Variants in GREM2 observed in about 807,000 individuals in gnomAD.
The protein encoded by GREM2 is gremlin 2, DAN family BMP antagonist.
Under a neutral mutation model 14.2 loss-of-function variants are expected in GREM2, and 11 were observed. The observed-to-expected ratio is 0.78, with a 90% CI of 0.49 to 1.28. The LOEUF is 1.28. Ranked by LOEUF, GREM2 falls within the 50% of genes most tolerant of loss-of-function variation. The probability of loss-of-function intolerance (pLI) is 0.00; values close to 1 mark genes in which losing one functional copy is unlikely to be tolerated. For missense variants in GREM2, 210 were observed against 218.5 expected, an observed-to-expected ratio of 0.96 and a Z score of 0.24; for synonymous variants, 98 against 97.6, an observed-to-expected ratio of 1.00 and a Z score of -0.02.
intron 1 of GREM2, among the ~76,000 whole-genome samples, chr1:240,591,828 C>T (rs1450593524): frequency 6.6e-6 from 1 of 152,084 alleles, no homozygotes; most frequent in Non-Finnish European, 1.5e-5. Flanking sequence ...CCTTCCCTGG[C>T]AATCTGGTTT....
chr1:240,575,423 G>C (rs1315907701), intron 1 of GREM2, among the ~76,000 whole-genome samples: 2 of 152,080 alleles, frequency 1.3e-5, no homozygotes, highest in Non-Finnish European at 2.9e-5. Flanking sequence ...CACTATGTAA[G>C]GGTAACTCTT....
At chr1:240,551,165 G>A (rs1678841793) in intron 1 of GREM2, among the ~76,000 whole-genome samples, 1 of 152,102 alleles carries the variant, frequency 6.6e-6, no homozygotes, top group African/African-American at 2.4e-5. Context: ...TACTGAAATA[G>A]CCTCTGCACT....
Position 240,491,426 on chromosome 1 carries a change from C to T in GREM2, c.*1543G>A, listed in dbSNP as rs1677245639. The T allele has an allele frequency of 6.6e-6, 1 of 152,596 alleles. No homozygotes were observed. Among genetic ancestry groups the T allele is most frequent in the Admixed American group, 6.5e-5 (1 of 15,276 alleles). The allele number at this position is 152,596 out of a possible 1,614,324, so 9.5% of individuals were successfully genotyped here. Reference sequence around the variant, plus strand: ...CCATAAGCATTACTCACAGGGAAGCCTTCCTGGGGCAACTGAGCAAAGGAG... The same window carrying T: ...CCATAAGCATTACTCACAGGGAAGCTTTCCTGGGGCAACTGAGCAAAGGAG... On this transcript the variant is annotated 3_prime_UTR_variant, in exon 2 of 2. Coordinates refer to ENST00000318160, the MANE Select transcript of GREM2 (RefSeq NM_022469.4).
At chr1:240,586,479 T>A (rs1679601741) in intron 1 of GREM2, among the ~76,000 whole-genome samples, 1 of 152,206 alleles carries the variant, frequency 6.6e-6, no homozygotes, top group Admixed American at 6.5e-5. Flanking sequence ...CTGTGCTTAG[T>A]GAATACTCCA....
intron 1 of GREM2, among the ~76,000 whole-genome samples, chr1:240,500,488 A>G (rs1054292374): frequency 1.3e-5 from 2 of 151,516 alleles, no homozygotes; most frequent in African/African-American, 4.8e-5. Flanking sequence ...TATTTTTAAT[A>G]GAGACAAGGT....
chr1:240,601,931 A>G (rs1039658957), intron 1 of GREM2, among the ~76,000 whole-genome samples: 2 of 145,386 alleles, frequency 1.4e-5, no homozygotes, highest in Admixed American at 6.9e-5. Context: ...AAAAAAAAAA[A>G]GGATATTGTG....
At chr1:240,606,491 C>T (rs1488624863) in intron 1 of GREM2, among the ~76,000 whole-genome samples, 1 of 152,118 alleles carries the variant, frequency 6.6e-6, no homozygotes, top group Non-Finnish European at 1.5e-5. Context: ...CCACTGTAAT[C>T]ATTAGGTTAT....
chr1:240,578,714 G>A (rs1167820031), intron 1 of GREM2, among the ~76,000 whole-genome samples: 4 of 151,934 alleles, frequency 2.6e-5, no homozygotes, highest in Non-Finnish European at 5.9e-5. Flanking sequence ...AACCTGGGAG[G>A]CGGAGGCTGC....
At chr1:240,501,084 G>A (rs1210769716) in intron 1 of GREM2, among the ~76,000 whole-genome samples, 1 of 152,138 alleles carries the variant, frequency 6.6e-6, no homozygotes, top group Admixed American at 6.6e-5. Context: ...ATTTTAATTT[G>A]CATCTCTCTG....
At chr1:240,498,159 T>C (rs1466900716) in intron 1 of GREM2, among the ~76,000 whole-genome samples, 1 of 152,204 alleles carries the variant, frequency 6.6e-6, no homozygotes, top group East Asian at 1.9e-4. Flanking sequence ...CCAATAGTAT[T>C]AGATGTGGTG....
rs544752113 is a variant in GREM2 at position 240,575,150 on chromosome 1, G to T, written c.-2+36734C>A. Among the ~76,000 whole-genome samples the T allele has an allele frequency of 2.6e-5, 4 of 151,822 alleles. No homozygotes were observed. In the South Asian group the frequency reaches 8.4e-4, roughly 32 times the overall value. On this transcript the variant is annotated intron_variant, in intron 1 of 1. Transcript: ENST00000318160. ...AAAATAAAATAAAAATAAAAAAATTGATCCTTAGCGCTGCTACCCAGCTCC... is the reference window on the plus strand; with the variant it reads ...AAAATAAAATAAAAATAAAAAAATTTATCCTTAGCGCTGCTACCCAGCTCC...
chr1:240,536,511 G>C (rs1271146438), intron 1 of GREM2, among the ~76,000 whole-genome samples: 8 of 152,226 alleles, frequency 5.3e-5, no homozygotes. Context: ...GTCCAAGAGG[G>C]GGATTGGTAA....
chr1:240,508,551 A>G (rs1409981053), intron 1 of GREM2, among the ~76,000 whole-genome samples: 13 of 152,212 alleles, frequency 8.5e-5, no homozygotes, highest in Admixed American at 8.5e-4. Flanking sequence ...CTTCTACTGA[A>G]CTTTTGAAGT....
At chr1:240,524,472 T>A (rs1427046367) in intron 1 of GREM2, among the ~76,000 whole-genome samples, 1 of 152,190 alleles carries the variant, frequency 6.6e-6, no homozygotes, top group African/African-American at 2.4e-5. Context: ...AAGAAGTGAT[T>A]TATGGTGGCA....
In GREM2 at chr1:240,520,693, C is replaced by T. The variant is rs143163126; in HGVS notation, c.-1-27217G>A. On this transcript the variant is annotated intron_variant, in intron 1 of 1. Transcript: ENST00000318160. ...AAGTAGCTGGGACTACAGGCACGTG[C>T]TACCATGCCCAGCTAATTTTTGTAT... is the stretch of plus-strand genomic sequence containing the variant. 2.0e-5 allele frequency among the ~76,000 whole-genome samples: 3 copies of T among 152,016 alleles called. No individual in the cohort carries two copies. The East Asian group carries it at 5.8e-4, about 30-fold the overall frequency.
At chr1:240,561,935 A>G (rs1191720451) in intron 1 of GREM2, among the ~76,000 whole-genome samples, 1 of 152,210 alleles carries the variant, frequency 6.6e-6, no homozygotes, top group Non-Finnish European at 1.5e-5. Context: ...AACTACTGTC[A>G]TCTGAATCTG....
chr1:240,584,641 A>G (rs1679556018), intron 1 of GREM2, among the ~76,000 whole-genome samples: 1 of 151,974 alleles, frequency 6.6e-6, no homozygotes, highest in Non-Finnish European at 1.5e-5. Flanking sequence ...GCCCAGGAGG[A>G]TAAGGCTGCA....
At chr1:240,590,381 G>A (rs76077119) in intron 1 of GREM2, among the ~76,000 whole-genome samples, 6,785 of 151,488 alleles carry the variant, frequency 0.045, 367 homozygotes, top group African/African-American at 0.14. Flanking sequence ...GAAAATATCT[G>A]GTCCTGCTCT....
chr1:240,544,412 G>A (rs1387785508), intron 1 of GREM2, among the ~76,000 whole-genome samples: 2 of 152,158 alleles, frequency 1.3e-5, no homozygotes, highest in African/African-American at 4.8e-5. Context: ...CTCCCAAAGT[G>A]CTGGGATTAC....
Sources: gnomAD v4.1 joint callset for allele counts (sites outside exome capture counted in the v4.1 genomes callset) on GRCh38, gnomAD v4.1.1 for gene constraint, MANE v1.5 for transcripts, NCBI Gene and HGNC (gene_info 2026-07-23, HGNC 2026-07-21) for gene names.